The following ECE1 variants were observed in gnomAD, a reference collection of about 807,000 sequenced individuals.
ECE1 encodes endothelin converting enzyme 1.
ECE1 carries 35 observed loss-of-function variants against 98.6 expected under a neutral mutation model. The observed-to-expected ratio is 0.35, with a 90% CI of 0.27 to 0.47. The LOEUF (loss-of-function observed/expected upper bound fraction) is 0.47. ECE1 is among the 20% of genes least tolerant of loss of function. ECE1 has a pLI of 1.00. For missense variants in ECE1, 814 were observed against 1,025.3 expected (o/e 0.79, Z 2.81); for synonymous variants, 394 against 407.1 (o/e 0.97, Z 0.39).
chr1:21,243,810 C>A (rs1367846358), intron 10 of ECE1, among the ~76,000 whole-genome samples: 2 of 152,234 alleles, frequency 1.3e-5, no homozygotes, highest in East Asian at 1.9e-4. Context: ...GGGCAGCCAA[C>A]CCACTGCTCC....
Position 21,260,103 on chromosome 1 carries a change from A to C in ECE1, c.615+168T>G, listed in dbSNP as rs779890862. Among the ~76,000 whole-genome samples, 1 of 152,018 alleles carries C rather than the reference A, an allele frequency of 6.6e-6. No homozygotes were observed. The highest frequency in any genetic ancestry group is 1.9e-4 in the East Asian group (1 of 5,182). On this transcript the variant is annotated intron_variant, in intron 5 of 18. Transcript: ENST00000374893. This position sits in a 1 kb window ranked among gnomAD's most constrained non-coding sequence, Gnocchi z 4.3. ...CCACGCAGCTACGCAATGTGCTCAC[A>C]CTCACATGTGCTCTCGCACACTCGC...
Position 21,264,317 on chromosome 1 carries a change from C to A in ECE1, c.494-3925G>T, listed in dbSNP as rs370466951. On this transcript the variant is annotated intron_variant, in intron 4 of 18. Transcript: ENST00000374893. Reference sequence around the variant, plus strand: ...CACTGGAATATACCAATTCCCCCCCCCCCTTTTTTTTTTTTGACACTGAGT... The same window carrying A: ...CACTGGAATATACCAATTCCCCCCCACCCTTTTTTTTTTTTGACACTGAGT... Among the ~76,000 whole-genome samples, 798 of 82,512 alleles carry A rather than the reference C, an allele frequency of 9.7e-3. 11 individuals carry two copies. The highest frequency in any genetic ancestry group is 0.036 in the African/African-American group (762 of 21,220). The allele number at this position is 82,512 out of a possible 152,430, so 54.1% of individuals were successfully genotyped here. A position where few individuals can be genotyped will look rare whatever the true frequency, so the allele number is the denominator to read the frequency against.
intron 10 of ECE1, among the ~76,000 whole-genome samples, chr1:21,241,815 G>GTACT (rs142831930): frequency 0.015 from 2,303 of 152,320 alleles, 27 homozygotes; most frequent in Non-Finnish European, 0.024. Flanking sequence ...AGTCCTGGAA[G>GTACT]TACTACAGGA....
intron 1 of ECE1, among the ~76,000 whole-genome samples, chr1:21,321,103 G>A (rs994133668): frequency 2.6e-5 from 4 of 152,154 alleles, no homozygotes; most frequent in South Asian, 2.1e-4. Context: ...GGAGGAAACC[G>A]AGGTTCCAAG....
intron 1 of ECE1, among the ~76,000 whole-genome samples, chr1:21,341,343 A>T (rs1397111279): frequency 2.0e-5 from 3 of 152,264 alleles, no homozygotes; most frequent in Non-Finnish European, 4.4e-5. Context: ...AAATGAATGA[A>T]GCCCTTTGAC....
Position 21,258,325 on chromosome 1 carries a change from T to A in ECE1, c.762+368A>T, listed in dbSNP as rs1033440330. ...CTCCCCTGGGCAGGCTGAGCCTCTG[T>A]CTGGGGCATGCTCTGACAGGGAGAG... On this transcript the variant is annotated intron_variant, in intron 6 of 18. Coordinates refer to ENST00000374893, the MANE Select transcript of ECE1 (RefSeq NM_001397.3). The surrounding 1 kb of genome is among the most constrained non-coding windows in gnomAD (Gnocchi z 4.2). Among the ~76,000 whole-genome samples the A allele has an allele frequency of 2.0e-5, 3 of 152,176 alleles. No individual in the cohort carries two copies. Among genetic ancestry groups the A allele is most frequent in the Non-Finnish European group, 4.4e-5 (3 of 68,038 alleles).
chr1:21,304,583 A>G (rs139266059), intron 1 of ECE1, among the ~76,000 whole-genome samples: 67 of 152,324 alleles, frequency 4.4e-4, no homozygotes, highest in African/African-American at 1.6e-3. Context: ...AATGATTTAC[A>G]TGCAGCTTCA....
chr1:21,289,157 T>A (rs1057469550), intron 2 of ECE1, among the ~76,000 whole-genome samples: 9 of 152,162 alleles, frequency 5.9e-5, no homozygotes, highest in Non-Finnish European at 5.9e-5. Flanking sequence ...CCCAAGATTC[T>A]CCCAAATACT....
At chr1:21,236,941 C>A in intron 11 of ECE1, 97 bp from the exon 12 acceptor site, 1 of 1,185,612 alleles carries the variant, frequency 8.4e-7, no homozygotes, top group Non-Finnish European at 1.3e-6. Context: ...AGAGATTAAA[C>A]TCAATTTTCC....
intron 14 of ECE1, among the ~76,000 whole-genome samples, chr1:21,231,393 G>T (rs766363567): frequency 2.0e-5 from 3 of 152,078 alleles, no homozygotes; most frequent in Admixed American, 2.0e-4. Flanking sequence ...CTAGGCTGGA[G>T]TGCAGTGGTG....
At chr1:21,331,532 T>C (rs771062675) in intron 1 of ECE1, among the ~76,000 whole-genome samples, 46 of 151,752 alleles carry the variant, frequency 3.0e-4, no homozygotes, top group African/African-American at 4.1e-4. Context: ...CAGTGAGCCA[T>C]GATGCACGAT....
At chr1:21,279,122 C>T in intron 3 of ECE1, 69 bp downstream of exon 3, 1 of 1,613,118 alleles carries the variant, frequency 6.2e-7, no homozygotes, top group South Asian at 1.1e-5. Flanking sequence ...GGGAAGCCCC[C>T]CTCGCCCGAG....
At chr1:21,236,199 G>A (rs371045250) in intron 12 of ECE1, among the ~76,000 whole-genome samples, 3 of 152,378 alleles carry the variant, frequency 2.0e-5, no homozygotes, top group East Asian at 3.9e-4. Context: ...CCCACGGGAC[G>A]TGCTGCGTTT....
chr1:21,343,984 C>T (rs1639449801), intron 1 of ECE1, among the ~76,000 whole-genome samples: 3 of 152,196 alleles, frequency 2.0e-5, no homozygotes, highest in Middle Eastern at 6.8e-3. Context: ...GTGTCGGAAA[C>T]GGTCTGGGTG....
Position 21,242,766 on chromosome 1 carries a change from TACTG to T in ECE1, c.1278+2219_1278+2222del, listed in dbSNP as rs1398012665. 3.9e-5 allele frequency among the ~76,000 whole-genome samples: 6 copies of T among 152,206 alleles called. No individual in the cohort carries two copies. In the East Asian group the frequency reaches 1.2e-3, roughly 29 times the overall value. On this transcript the variant is annotated intron_variant, in intron 10 of 18. Coordinates refer to ENST00000374893, the MANE Select transcript of ECE1 (RefSeq NM_001397.3). ...GGTGGCCCAGGGAAGCTCACTCCAT[TACTG>T]ACTAATTAATTAATTTTTTAAAAAG...
Position 21,235,922 on chromosome 1 carries a change from A to G in ECE1, c.1494T>C (p.Asp498=). The G allele has an allele frequency of 1.2e-6, 2 of 1,614,200 alleles. No homozygotes were observed. Among genetic ancestry groups the G allele is most frequent in the Non-Finnish European group, 1.7e-6 (2 of 1,180,012 alleles). Reference sequence around the variant, plus strand: ...GGTATCCTATCATGTTGTAGATGGCATCGGCCTGGACAGGACAGACAGAGG... The same window carrying G: ...GGTATCCTATCATGTTGTAGATGGCGTCGGCCTGGACAGGACAGACAGAGG... ...ETRKSAKEKA[D]AIYNMIGYPN... The change falls in exon 13 of 19, where the codon GAT becomes GAC. Residue 498 remains aspartate (D), a synonymous_variant. Transcript: ENST00000374893. This position sits in a 1 kb window ranked among gnomAD's most constrained non-coding sequence, Gnocchi z 4.2.
At chr1:21,247,415 C>A in intron 8 of ECE1, 52 bp from the exon 9 acceptor site, 1 of 1,613,724 alleles carries the variant, frequency 6.2e-7, no homozygotes, top group Non-Finnish European at 8.5e-7. Context: ...TCCTCACAGC[C>A]CAGGGCTCTA....
At position 21,217,961 on chromosome 1, in the gene ECE1, G is replaced by C. The variant is rs1296484475; in HGVS notation, c.*1994C>G. The C allele has an allele frequency of 6.5e-6, 1 of 152,764 alleles. No individual in the cohort carries two copies. Among genetic ancestry groups the C allele is most frequent in the Non-Finnish European group, 1.5e-5 (1 of 68,478 alleles). 9.5% of individuals were successfully genotyped at this position (152,764 alleles called of 1,614,324 possible). ...GAGAGCACTGTCCAGGCAGGGCTGG[G>C]CCAGGAGGCCTGGGCTGCTGAGGCG... On this transcript the variant is annotated 3_prime_UTR_variant, in exon 19 of 19. Coordinates refer to ENST00000374893, the MANE Select transcript of ECE1 (RefSeq NM_001397.3).
At chr1:21,337,732 C>T (rs936878130) in intron 1 of ECE1, among the ~76,000 whole-genome samples, 2 of 152,168 alleles carry the variant, frequency 1.3e-5, no homozygotes, top group African/African-American at 4.8e-5. Flanking sequence ...GGGCAAAATA[C>T]TGCCCCAGGA....
Sources: allele counts gnomAD v4.1 joint callset (sites outside exome capture counted in the v4.1 genomes callset), GRCh38; gene constraint gnomAD v4.1.1; non-coding constraint Gnocchi (gnomAD v3.1); transcripts MANE v1.5; gene names NCBI Gene and HGNC (gene_info 2026-07-23, HGNC 2026-07-21).